The following ATP2C1 variants were observed in gnomAD, a reference collection of about 807,000 sequenced individuals.
ATP2C1 encodes the protein ATPase secretory pathway Ca2+ transporting 1, also known as calcium-transporting ATPase type 2C member 1.
A neutral mutation model predicts 120.5 loss-of-function variants in ATP2C1; 31 were observed. The observed-to-expected ratio is 0.26, with a 90% CI of 0.19 to 0.35. The LOEUF is 0.35. Ranked by LOEUF, ATP2C1 falls within the 10% of genes least tolerant of loss-of-function variation. The probability of loss-of-function intolerance (pLI) is 1.00; values close to 1 mark genes in which losing one functional copy is unlikely to be tolerated. For synonymous variants in ATP2C1, 351 were observed against 358.7 expected (o/e 0.98, Z 0.24); for missense variants, 731 against 1,107.5 (o/e 0.66, Z 4.83).
intron 1 of ATP2C1, among the ~76,000 whole-genome samples, chr3:130,883,020 C>A (rs928089126): frequency 1.3e-5 from 2 of 152,046 alleles, no homozygotes; most frequent in Non-Finnish European, 2.9e-5. Context: ...TGGCTTCAAT[C>A]TTGTTACTTG....
intron 11 of ATP2C1, among the ~76,000 whole-genome samples, chr3:130,957,230 G>T (rs918740177): frequency 6.6e-6 from 1 of 151,854 alleles, no homozygotes; most frequent in Non-Finnish European, 1.5e-5. Flanking sequence ...CAATTAAGTT[G>T]GTTTTGTTCT....
intron 23 of ATP2C1, 119 bp downstream of exon 23, chr3:130,996,230 C>T (rs1199405998): frequency 1.2e-6 from 1 of 805,912 alleles, no homozygotes; most frequent in East Asian, 2.5e-5. Context: ...GTTCATATGT[C>T]AGTTTTCCAA....
intron 19 of ATP2C1, among the ~76,000 whole-genome samples, chr3:130,979,694 A>G (rs1398802993): frequency 1.3e-5 from 2 of 152,138 alleles, no homozygotes; most frequent in African/African-American, 2.4e-5. Context: ...AACTGTGATG[A>G]CAGAGTAAAA....
intron 25 of ATP2C1, among the ~76,000 whole-genome samples, 166 bp from the exon 26 acceptor site, chr3:130,998,128 A>AT (rs2062718449): frequency 6.6e-6 from 1 of 152,066 alleles, no homozygotes; most frequent in South Asian, 2.1e-4. Flanking sequence ...GATTACAGCT[A>AT]TTCACTAGGT....
intron 17 of ATP2C1, among the ~76,000 whole-genome samples, chr3:130,970,539 C>T (rs1007685505): frequency 2.0e-5 from 3 of 152,024 alleles, no homozygotes; most frequent in Admixed American, 6.5e-5. Context: ...ACTGTAAGCA[C>T]GTGCCACCAT....
intron 26 of ATP2C1, chr3:131,015,100 C>A: frequency 1.7e-6 from 1 of 576,124 alleles, no homozygotes. Flanking sequence ...GGTCAAAGGC[C>A]AATTAGTCTT....
chr3:131,010,990 G>A (rs1052088490), intron 26 of ATP2C1, among the ~76,000 whole-genome samples: 1 of 152,144 alleles, frequency 6.6e-6, no homozygotes, highest in Admixed American at 6.5e-5. Flanking sequence ...ACTTGTTATT[G>A]TATCTTTTAC....
rs1406995271 is a variant in ATP2C1 at position 130,916,291 on chromosome 3, C to T, written c.7-14125C>T. On this transcript the variant is annotated intron_variant, in intron 2 of 27. Transcript: ENST00000510168. Reference sequence around the variant, plus strand: ...ATTAGCCAGGCATGGCTGCATGTGCCTGTAATCCCAGCTACTTGGGAGGCT... The same window carrying T: ...ATTAGCCAGGCATGGCTGCATGTGCTTGTAATCCCAGCTACTTGGGAGGCT... 4.6e-5 allele frequency among the ~76,000 whole-genome samples: 7 copies of T among 151,756 alleles called. No individual in the cohort carries two copies. The East Asian group carries it at 1.2e-3, about 25-fold the overall frequency.
At position 130,979,430 on chromosome 3, in the gene ATP2C1, A is replaced by T. The variant is rs1481858376; in HGVS notation, c.1741+11A>T. ...CTGCAGTTGCAATCGGTATAACTAGACTGCTTTCTTTTGTTTTCGATAGTT... is the reference window on the plus strand; with the variant it reads ...CTGCAGTTGCAATCGGTATAACTAGTCTGCTTTCTTTTGTTTTCGATAGTT... On this transcript the variant is annotated intron_variant, in intron 19 of 27. Transcript: ENST00000510168. 1 of 1,612,782 alleles carries T rather than the reference A, an allele frequency of 6.2e-7. No homozygotes were observed. The highest frequency in any genetic ancestry group is 2.2e-5 in the East Asian group (1 of 44,792).
rs114634827 is a variant in ATP2C1 at position 130,958,069 on chromosome 3, A to G, written c.833-1206A>G. Among the ~76,000 whole-genome samples the G allele has an allele frequency of 4.8e-3, 737 of 152,282 alleles. 9 individuals are homozygous for G. Among genetic ancestry groups the G allele is most frequent in the African/African-American group, 0.017 (694 of 41,546 alleles). The stretch of plus-strand genomic sequence containing the variant: ...GATAGATCGAATGACATTCTAGCCA[A>G]TTAAATCTTTGTAGTTTCTATTAGC... On this transcript the variant is annotated intron_variant, in intron 11 of 27. Coordinates refer to ENST00000510168, the MANE Select transcript of ATP2C1 (RefSeq NM_001378687.1).
chr3:130,918,371 A>G, intron 2 of ATP2C1: 1 of 1,518,828 alleles, frequency 6.6e-7, no homozygotes, highest in East Asian at 2.3e-5. Context: ...CACATCGGAA[A>G]TAGTTTTTGT....
At chr3:130,947,652 G>A (rs897887700) in intron 8 of ATP2C1, among the ~76,000 whole-genome samples, 3 of 152,092 alleles carry the variant, frequency 2.0e-5, no homozygotes. Context: ...CACATAGTTG[G>A]TGAATTTAAT....
At chr3:130,977,020 A>G (rs1406879862) in intron 18 of ATP2C1, among the ~76,000 whole-genome samples, 1 of 152,090 alleles carries the variant, frequency 6.6e-6, no homozygotes, top group Non-Finnish European at 1.5e-5. Flanking sequence ...ACACTCCTCA[A>G]CTTTCCACCT....
At chr3:130,861,709 T>C (rs1317860118) in intron 1 of ATP2C1, among the ~76,000 whole-genome samples, 1 of 152,138 alleles carries the variant, frequency 6.6e-6, no homozygotes, top group African/African-American at 2.4e-5. Flanking sequence ...CCAGTAAAAT[T>C]GAGACATAAA....
intron 14 of ATP2C1, 93 bp from the exon 15 acceptor site, chr3:130,967,052 A>G (rs1468541572): frequency 3.4e-6 from 3 of 887,188 alleles, no homozygotes. Context: ...AATAAAATGA[A>G]CAGAACTCAT....
At chr3:130,893,523 G>A (rs2069271811), upstream of ATP2C1, among the ~76,000 whole-genome samples, 1 of 152,230 alleles carries the variant, frequency 6.6e-6, no homozygotes, top group African/African-American at 2.4e-5. Flanking sequence ...TCGGGAGGCT[G>A]CTCACGGTGC....
At chr3:130,887,936 G>A (rs1471094615) in intron 1 of ATP2C1, among the ~76,000 whole-genome samples, 2 of 152,180 alleles carry the variant, frequency 1.3e-5, no homozygotes, top group African/African-American at 2.4e-5. Flanking sequence ...GCAATGTTCT[G>A]GGTCTCACTT....
At chr3:130,899,256 T>G (rs1371506724) in intron 2 of ATP2C1, among the ~76,000 whole-genome samples, 1 of 152,148 alleles carries the variant, frequency 6.6e-6, no homozygotes, top group Non-Finnish European at 1.5e-5. Context: ...GCATGTAACT[T>G]TTAACTCTCT....
intron 6 of ATP2C1, among the ~76,000 whole-genome samples, chr3:130,938,947 T>C (rs1307589129): frequency 1.3e-5 from 2 of 152,242 alleles, no homozygotes; most frequent in Non-Finnish European, 2.9e-5. Flanking sequence ...TTACACAAGA[T>C]AGTGTTGTTA....
Sources: gnomAD v4.1 joint callset for allele counts (sites outside exome capture counted in the v4.1 genomes callset) on GRCh38, gnomAD v4.1.1 for gene constraint, MANE v1.5 for transcripts, NCBI Gene and HGNC (gene_info 2026-07-23, HGNC 2026-07-21) for gene names.